TSHR: variants seen among roughly 807,000 people sequenced by gnomAD.
TSHR encodes thyroid stimulating hormone receptor.
Under a neutral mutation model 64.1 loss-of-function variants are expected in TSHR, and 51 were observed. That is an observed-to-expected ratio of 0.80 (90% CI 0.64 to 1.01). The LOEUF (loss-of-function observed/expected upper bound fraction) is 1.01, where lower values mean the gene tolerates loss of function less well. Among genes scored for constraint, TSHR ranks in the 50% least tolerant of loss-of-function variants. TSHR has a pLI of 0.00. For synonymous variants in TSHR, 361 were observed against 361.9 expected (o/e 1.00, Z 0.03); for missense variants, 877 against 942.8 (o/e 0.93, Z 0.91).
At chr14:81,009,332 C>T (rs765064643) in intron 1 of TSHR, among the ~76,000 whole-genome samples, 2 of 152,164 alleles carry the variant, frequency 1.3e-5, no homozygotes, top group African/African-American at 4.8e-5. Context: ...ACTGGCTACA[C>T]TGCATATTAA....
At chr14:81,077,729 A>T (rs531809022) in intron 3 of TSHR, among the ~76,000 whole-genome samples, 102 of 151,742 alleles carry the variant, frequency 6.7e-4, no homozygotes, top group African/African-American at 2.3e-3. Flanking sequence ...CCATTTTCCT[A>T]TTTGCTTTGT....
intron 5 of TSHR, among the ~76,000 whole-genome samples, 160 bp from the exon 6 acceptor site, chr14:81,092,371 C>T (rs1305273729): frequency 6.6e-6 from 1 of 152,162 alleles, no homozygotes; most frequent in African/African-American, 2.4e-5. Context: ...CCTCACCAGA[C>T]CTCTGAGCCA....
At chr14:81,115,695 C>T (rs907082648) in intron 8 of TSHR, among the ~76,000 whole-genome samples, 1 of 151,966 alleles carries the variant, frequency 6.6e-6, no homozygotes, top group Non-Finnish European at 1.5e-5. Flanking sequence ...CAAAGATACT[C>T]CTCGAGAAGA....
chr14:81,048,848 A>T (rs140601933), intron 1 of TSHR, among the ~76,000 whole-genome samples: 65 of 152,290 alleles, frequency 4.3e-4, no homozygotes, highest in African/African-American at 1.6e-3. Flanking sequence ...ATTCACCGAA[A>T]ATTGAGTAAA....
chr14:80,986,563 T>C (rs1239799761), intron 1 of TSHR, among the ~76,000 whole-genome samples: 1 of 152,198 alleles, frequency 6.6e-6, no homozygotes, highest in Non-Finnish European at 1.5e-5. Flanking sequence ...CTCGGCTCAC[T>C]GTAACCTCTC....
intron 1 of TSHR, among the ~76,000 whole-genome samples, chr14:80,974,911 C>T (rs1227017609): frequency 3.9e-5 from 6 of 152,270 alleles, no homozygotes; most frequent in African/African-American, 1.4e-4. Context: ...GAAATTATTG[C>T]ATGACTATGT....
chr14:80,985,930 A>G (rs559365151), intron 1 of TSHR, among the ~76,000 whole-genome samples: 16 of 152,026 alleles, frequency 1.1e-4, no homozygotes, highest in Admixed American at 2.6e-4. Flanking sequence ...CTTAATTCCA[A>G]CTCTTCCTGT....
At chr14:80,980,944 A>G (rs1256851515) in intron 1 of TSHR, among the ~76,000 whole-genome samples, 1 of 151,586 alleles carries the variant, frequency 6.6e-6, no homozygotes, top group Non-Finnish European at 1.5e-5. Flanking sequence ...ATATCTGTTC[A>G]TTTTTGTGGT....
At chr14:80,983,658 C>T (rs1888288983) in intron 1 of TSHR, 6 of 755,832 alleles carry the variant, frequency 7.9e-6, no homozygotes, top group Non-Finnish European at 1.3e-5. Context: ...AGAGATAGAA[C>T]ACTTTGAACC....
intron 2 of TSHR, among the ~76,000 whole-genome samples, chr14:81,062,942 A>G (rs1336005130): frequency 6.6e-6 from 1 of 152,116 alleles, no homozygotes; most frequent in Non-Finnish European, 1.5e-5. Context: ...GTAGTTCTCA[A>G]CCACAGACGA....
At chr14:81,007,316 G>A (rs1338734539) in intron 1 of TSHR, among the ~76,000 whole-genome samples, 1 of 152,220 alleles carries the variant, frequency 6.6e-6, no homozygotes, top group African/African-American at 2.4e-5. Flanking sequence ...GTATTTTGCT[G>A]TGCCAGTAGA....
chr14:81,131,047 A>AT (rs1415406524), intron 8 of TSHR, among the ~76,000 whole-genome samples: 6 of 150,538 alleles, frequency 4.0e-5, no homozygotes, highest in African/African-American at 1.5e-4. Context: ...CACCATCTGG[A>AT]TGTCTAATAG....
Position 80,999,123 on chromosome 14 carries a change from C to T in TSHR, c.170+43273C>T, listed in dbSNP as rs577015535. ...TACAGAGTTTTAGAGACTTGGATAT[C>T]GTGTACTTTAACCTCACACCCAGTG... On this transcript the variant is annotated intron_variant, in intron 1 of 9. Coordinates refer to ENST00000298171, the MANE Select transcript of TSHR (RefSeq NM_000369.5). 5.3e-5 allele frequency among the ~76,000 whole-genome samples: 8 copies of T among 152,264 alleles called. No individual in the cohort carries two copies. In the South Asian group the frequency reaches 1.0e-3, roughly 20 times the overall value.
At chr14:81,027,216 C>T (rs1283520183) in intron 1 of TSHR, among the ~76,000 whole-genome samples, 8 of 151,932 alleles carry the variant, frequency 5.3e-5, no homozygotes, top group South Asian at 2.1e-4. Context: ...AGGTACAACA[C>T]ATTGGATTTT....
intron 3 of TSHR, chr14:81,087,683 T>A: frequency 2.2e-6 from 1 of 458,738 alleles, no homozygotes; most frequent in Non-Finnish European, 3.9e-6. Flanking sequence ...ATTCTGATAC[T>A]ACAATTAAGA....
chr14:81,073,463 C>G (rs1457402210), intron 3 of TSHR, among the ~76,000 whole-genome samples: 1 of 151,998 alleles, frequency 6.6e-6, no homozygotes, highest in Non-Finnish European at 1.5e-5. Context: ...CTAAAATTGA[C>G]CACATGTGGG....
At chr14:81,036,111 A>G (rs1322410097) in intron 1 of TSHR, among the ~76,000 whole-genome samples, 3 of 152,168 alleles carry the variant, frequency 2.0e-5, no homozygotes, top group Admixed American at 2.0e-4. Flanking sequence ...CTAAGCAAAC[A>G]AATATTTGCA....
chr14:81,090,298 G>A (rs1021567459), intron 4 of TSHR, among the ~76,000 whole-genome samples: 1 of 152,168 alleles, frequency 6.6e-6, no homozygotes, highest in Non-Finnish European at 1.5e-5. Context: ...AGGCTGGAGT[G>A]CAGTGGCATG....
chr14:80,972,775 C>G (rs1027586227), intron 1 of TSHR, among the ~76,000 whole-genome samples: 3 of 152,184 alleles, frequency 2.0e-5, no homozygotes, highest in Admixed American at 6.5e-5. Flanking sequence ...CCATTCCCCA[C>G]TCCTCCCAGC....
Sources: allele counts gnomAD v4.1 joint callset (sites outside exome capture counted in the v4.1 genomes callset), GRCh38; gene constraint gnomAD v4.1.1; transcripts MANE v1.5; gene names NCBI Gene and HGNC (gene_info 2026-07-23, HGNC 2026-07-21).